Variants in PCNX2 observed in about 807,000 individuals in gnomAD.
PCNX2 encodes pecanex-like protein 2.
In PCNX2, 168 loss-of-function variants were observed where a neutral mutation model predicts 223.8. The ratio of observed to expected loss-of-function variants is 0.75; its 90% CI spans 0.66 to 0.85. The LOEUF is 0.85. Ranked by LOEUF, PCNX2 falls within the 40% of genes least tolerant of loss-of-function variation. The probability of loss-of-function intolerance (pLI) is 0.00; values close to 1 mark genes in which losing one functional copy is unlikely to be tolerated. For missense variants in PCNX2, 2,507 were observed against 2,675.5 expected (o/e 0.94, Z 1.39); for synonymous variants, 1,006 against 1,052.6 (o/e 0.96, Z 0.86).
intron 19 of PCNX2, among the ~76,000 whole-genome samples, chr1:233,152,320 T>C (rs1174195026): frequency 1.3e-5 from 2 of 152,220 alleles, no homozygotes; most frequent in African/African-American, 2.4e-5. Flanking sequence ...TAGTACTAGT[T>C]CAGTTTATGC....
chr1:233,198,831 C>T lies in PCNX2; in HGVS notation c.3066+108G>A. 9 of 1,115,158 alleles carry T rather than the reference C, an allele frequency of 8.1e-6. No individual in the cohort carries two copies. In the South Asian group the frequency reaches 1.1e-4, roughly 14 times the overall value. 69.1% of individuals were successfully genotyped at this position (1,115,158 alleles called of 1,614,324 possible). ...AGCCACACAGTCACTCCCTGATTTG[C>T]ACAGATCCGATTTCTCTTGTAATTT... On this transcript the variant is annotated intron_variant, in intron 15 of 33. Transcript: ENST00000258229.
chr1:233,019,026 T>C, intron 26 of PCNX2: 2 of 985,346 alleles, frequency 2.0e-6, no homozygotes, highest in Non-Finnish European at 2.4e-6. Flanking sequence ...TCCCTCCCTC[T>C]GTCTGGGAAA....
Position 233,236,870 on chromosome 1 carries a change from C to A in PCNX2, c.2333G>T (p.Arg778Leu), listed in dbSNP as rs555828396. Residue 778 changes from arginine to leucine, a missense_variant, in exon 9 of 34, where the codon CGC (arginine) becomes CTC (leucine). By Grantham distance (102) the Arg-to-Leu change is moderately radical (BLOSUM62 -2). Coordinates refer to ENST00000258229, the MANE Select transcript of PCNX2 (RefSeq NM_014801.4). Reference sequence around the variant, plus strand: ...CCGTGGGGTTTCCGACTGGGTCCTGCGAGCCACCATCAGTAACAGCTGTTG... The same window carrying A: ...CCGTGGGGTTTCCGACTGGGTCCTGAGAGCCACCATCAGTAACAGCTGTTG... ...LQQQLLLMVA[R>L]RTQSETPRHV... The A allele has an allele frequency of 2.5e-6, 4 of 1,613,722 alleles. No homozygotes were observed. Among genetic ancestry groups the A allele is most frequent in the Non-Finnish European group, 3.4e-6 (4 of 1,179,834 alleles).
rs995686978 is a variant in PCNX2 at position 233,295,501 on chromosome 1, T to C, written c.-23A>G. 9 of 1,540,320 alleles carry C rather than the reference T, an allele frequency of 5.8e-6. No homozygotes were observed. In the Middle Eastern group the frequency reaches 8.9e-4, roughly 152 times the overall value. Reference sequence around the variant, plus strand: ...CATGCCGGCTGCGCCCCGGGGCTGGTGAGCGCCCCGCTGCACCCTGCGCGC... The same window carrying C: ...CATGCCGGCTGCGCCCCGGGGCTGGCGAGCGCCCCGCTGCACCCTGCGCGC... On this transcript the variant is annotated 5_prime_UTR_variant, in exon 1 of 34. Transcript: ENST00000258229. This position sits in a 1 kb window ranked among gnomAD's most constrained non-coding sequence, Gnocchi z 4.1.
intron 15 of PCNX2, among the ~76,000 whole-genome samples, chr1:233,186,564 T>G (rs1193022027): frequency 6.6e-6 from 1 of 152,186 alleles, no homozygotes; most frequent in East Asian, 1.9e-4. Flanking sequence ...ATATTCCTCA[T>G]GGACCTTGAA....
rs41271541 is a variant in PCNX2 at position 233,095,717 on chromosome 1, T to A, written c.3946+38A>T. The A allele has an allele frequency of 1.3e-3, 1,914 of 1,495,136 alleles. 2 individuals are homozygous for A. The highest frequency in any genetic ancestry group is 1.7e-3 in the Non-Finnish European group (1,809 of 1,087,754). The allele number at this position is 1,495,136 out of a possible 1,614,324, so 92.6% of individuals were successfully genotyped here. On this transcript the variant is annotated intron_variant, in intron 22 of 33. Coordinates refer to ENST00000258229, the MANE Select transcript of PCNX2 (RefSeq NM_014801.4). ...AAAGCTTGCTTCCGTAAAATGTGAA[T>A]CTCAGCTGGAGGGTGAAAATAGAAG...
At chr1:233,327,299 G>A in the PCNX2 span, among the ~76,000 whole-genome samples, 1 of 151,812 alleles carries the variant, frequency 6.6e-6, no homozygotes, top group Non-Finnish European at 1.5e-5. Context: ...CAGACCATGT[G>A]GGCGCGGCTC....
chr1:233,316,702 C>G, the PCNX2 span, among the ~76,000 whole-genome samples: 1 of 152,270 alleles, frequency 6.6e-6, no homozygotes, highest in Admixed American at 6.5e-5. Flanking sequence ...CAAACCCCTC[C>G]TGTCCCTCAA....
chr1:233,207,018 A>AAAAGAAG (rs111448586), intron 13 of PCNX2, among the ~76,000 whole-genome samples: 30 of 150,572 alleles, frequency 2.0e-4, no homozygotes, highest in African/African-American at 7.1e-4. Flanking sequence ...CAAAAAAAAA[A>AAAAGAAG]AAGAAGAAGA....
chr1:233,170,613 T>C (rs939897787), intron 17 of PCNX2, among the ~76,000 whole-genome samples: 2 of 152,204 alleles, frequency 1.3e-5, no homozygotes, highest in African/African-American at 4.8e-5. Flanking sequence ...TTTTGTGTTG[T>C]TTTAAAAAAT....
intron 9 of PCNX2, among the ~76,000 whole-genome samples, chr1:233,232,413 G>A (rs1658119393): frequency 6.6e-6 from 1 of 152,168 alleles, no homozygotes; most frequent in South Asian, 2.1e-4. Flanking sequence ...TAGGTTAGAT[G>A]TATTAAATGC....
At chr1:233,005,763 T>C (rs1670262868) in intron 28 of PCNX2, among the ~76,000 whole-genome samples, 1 of 152,208 alleles carries the variant, frequency 6.6e-6, no homozygotes, top group Admixed American at 6.5e-5. Context: ...AGTGCATTTC[T>C]GTTTTGGAGC....
chr1:233,014,707 C>T lies in PCNX2; in HGVS notation c.4910G>A (p.Gly1637Glu), dbSNP rs940290160. Reference protein sequence around the residue: ...VTLSFALCTLGRRALGTAAHN... With the variant: ...VTLSFALCTLERRALGTAAHN... ...AGCGGCTGTTCCCAGAGCTCTCCTCCCCAGGGTGCACAGGGCGAAGGACAG... is the reference window on the plus strand; with the variant it reads ...AGCGGCTGTTCCCAGAGCTCTCCTCTCCAGGGTGCACAGGGCGAAGGACAG... Residue 1637 changes from glycine to glutamate, a missense_variant, in exon 28 of 34, where the codon GGG (glycine) becomes GAG (glutamate). Coordinates refer to ENST00000258229, the MANE Select transcript of PCNX2 (RefSeq NM_014801.4). 13 of 1,613,868 alleles carry T rather than the reference C, an allele frequency of 8.1e-6. No homozygotes were observed. Among genetic ancestry groups the T allele is most frequent in the African/African-American group, 2.7e-5 (2 of 74,926 alleles).
At chr1:233,041,545 T>G (rs1261204349) in intron 25 of PCNX2, among the ~76,000 whole-genome samples, 4 of 152,174 alleles carry the variant, frequency 2.6e-5, no homozygotes. Context: ...ACCCACTTCT[T>G]GGTCTGTCAA....
At position 233,041,728 on chromosome 1, in the gene PCNX2, A is replaced by G. The variant is rs148906588; in HGVS notation, c.4351+12540T>C. On this transcript the variant is annotated intron_variant, in intron 25 of 33. Coordinates refer to ENST00000258229, the MANE Select transcript of PCNX2 (RefSeq NM_014801.4). ...TGACACTGAATGGCACAGTTACCCC[A>G]GACACAGTATTTATTCACTATATTA... Among the ~76,000 whole-genome samples the G allele has an allele frequency of 1.7e-4, 26 of 152,374 alleles. No individual in the cohort carries two copies. In the East Asian group the frequency reaches 4.8e-3, roughly 28 times the overall value.
chr1:233,201,112 A>T (rs1188615134), intron 13 of PCNX2, among the ~76,000 whole-genome samples: 3 of 95,304 alleles, frequency 3.1e-5, no homozygotes, highest in African/African-American at 2.0e-4. Context: ...TAAAGTATTA[A>T]AAAAAAAAAA....
At chr1:233,017,849 G>A (rs1157783627) in intron 26 of PCNX2, among the ~76,000 whole-genome samples, 1 of 152,226 alleles carries the variant, frequency 6.6e-6, no homozygotes, top group African/African-American at 2.4e-5. Context: ...ATGACAGTCA[G>A]CCCCATCCTT....
At chr1:233,226,155 T>C (rs571621150) in intron 10 of PCNX2, among the ~76,000 whole-genome samples, 1 of 152,318 alleles carries the variant, frequency 6.6e-6, no homozygotes, top group African/African-American at 2.4e-5. Flanking sequence ...GCCAACCGTG[T>C]AGTCAGTGCT....
intron 2 of PCNX2, 69 bp from the exon 3 acceptor site, chr1:233,262,234 C>A: frequency 6.4e-7 from 1 of 1,572,036 alleles, no homozygotes; most frequent in Non-Finnish European, 8.6e-7. Context: ...TCTTTTAGTA[C>A]TAGTCTAAAA....
Sources: allele counts gnomAD v4.1 joint callset (sites outside exome capture counted in the v4.1 genomes callset), GRCh38; gene constraint gnomAD v4.1.1; non-coding constraint Gnocchi (gnomAD v3.1); transcripts MANE v1.5; gene names NCBI Gene and HGNC (gene_info 2026-07-23, HGNC 2026-07-21).